OR7E24: variants seen among roughly 807,000 people sequenced by gnomAD.
OR7E24 encodes olfactory receptor family 7 subfamily E member 24, also known as olfactory receptor 7E24.
For missense variants in OR7E24, 385 were observed against 410.3 expected (o/e 0.94, Z 0.53); for synonymous variants, 130 against 157.5 (o/e 0.83, Z 1.31).
At chr19:9,235,086 T>C in the OR7E24 span, 1 of 641,476 alleles carries the variant, frequency 1.6e-6, no homozygotes, top group Non-Finnish European at 2.7e-6. Context: ...CCAAGGGTGA[T>C]ATTGAAGAGT....
the OR7E24 span, among the ~76,000 whole-genome samples, chr19:9,236,694 T>G: frequency 6.6e-6 from 1 of 152,046 alleles, no homozygotes; most frequent in Non-Finnish European, 1.5e-5. Context: ...AGTTCCATCT[T>G]TGATCCATTT....
the OR7E24 span, among the ~76,000 whole-genome samples, chr19:9,221,201 G>T: frequency 6.6e-6 from 1 of 151,078 alleles, no homozygotes; most frequent in African/African-American, 2.4e-5. Flanking sequence ...CAACCCGGGA[G>T]GGGGAGCTTG....
In OR7E24 at chr19:9,251,782, C is replaced by A; in HGVS notation, c.739C>A (p.Pro247Thr). 6.2e-7 allele frequency: 1 copy of A among 1,612,316 alleles called. No individual in the cohort carries two copies. The highest frequency in any genetic ancestry group is 8.5e-7 in the Non-Finnish European group (1 of 1,179,086). Residue 247 changes from proline to threonine, a missense_variant, in exon 1 of 1, where the codon CCA becomes ACA. Coordinates refer to ENST00000456448, the MANE Select transcript of OR7E24 (RefSeq NM_001079935.2). The part of the protein sequence containing the change: ...YKIVSPILRV[P>T]TSDGKYKAFS... ...AATTGTTTCCCCCATTCTGAGAGTT[C>A]CAACATCAGATGGGAAGTATAAAGC... is the stretch of plus-strand genomic sequence containing the variant.
chr19:9,251,765 C>A lies in OR7E24; in HGVS notation c.722C>A (p.Ser241Tyr), dbSNP rs2066149496. The change falls in exon 1 of 1, where the codon TCC (serine) becomes TAC (tyrosine). Residue 241 changes from serine to tyrosine, a missense_variant. Ser to Tyr is a moderately radical substitution (Grantham distance 144, BLOSUM62 -2). Transcript: ENST00000456448. Reference protein sequence around the residue: ...GILFSYYKIVSPILRVPTSDG... With the variant: ...GILFSYYKIVYPILRVPTSDG... ...CTTTTCTCTTACTATAAAATTGTTT[C>A]CCCCATTCTGAGAGTTCCAACATCA... 6.2e-7 allele frequency: 1 copy of A among 1,611,024 alleles called. No individual in the cohort carries two copies. The highest frequency in any genetic ancestry group is 8.5e-7 in the Non-Finnish European group (1 of 1,178,368).
chr19:9,231,354 G>T, the OR7E24 span, among the ~76,000 whole-genome samples: 1 of 152,152 alleles, frequency 6.6e-6, no homozygotes, highest in Admixed American at 6.5e-5. Flanking sequence ...GGCCAAGGCG[G>T]GTGGATCATG....
the OR7E24 span, chr19:9,213,828 G>C: frequency 9.3e-7 from 1 of 1,079,484 alleles, no homozygotes; most frequent in Non-Finnish European, 1.4e-6. Context: ...AAAAAGAGCC[G>C]GATATTTAAA....
At chr19:9,224,149 C>T in the OR7E24 span, among the ~76,000 whole-genome samples, 1 of 152,100 alleles carries the variant, frequency 6.6e-6, no homozygotes, top group South Asian at 2.1e-4. Flanking sequence ...TGCACCCAGC[C>T]GGGGTCTCGG....
chr19:9,229,016 G>A, the OR7E24 span, among the ~76,000 whole-genome samples: 1 of 152,112 alleles, frequency 6.6e-6, no homozygotes, highest in Non-Finnish European at 1.5e-5. Context: ...ATGTATGCCT[G>A]TTTCAAAACT....
At chr19:9,247,310 A>G, upstream of OR7E24, 1 of 394,418 alleles carries the variant, frequency 2.5e-6, no homozygotes, top group Non-Finnish European at 4.5e-6. Context: ...CTAGAATAGT[A>G]AATACTCAGC....
chr19:9,226,656 T>G, the OR7E24 span, among the ~76,000 whole-genome samples: 1 of 152,238 alleles, frequency 6.6e-6, no homozygotes, highest in African/African-American at 2.4e-5. Flanking sequence ...TAGCAGATAT[T>G]TAAGAATGTT....
chr19:9,235,461 G>T, the OR7E24 span: 1 of 1,606,052 alleles, frequency 6.2e-7, no homozygotes, highest in African/African-American at 1.3e-5. Flanking sequence ...TTTAAATGAT[G>T]TTTGCTGGAA....
chr19:9,210,083 G>C, the OR7E24 span: 1 of 152,154 alleles, frequency 6.6e-6, no homozygotes. Context: ...CATTTTAAAA[G>C]CTCCCAACTC....
At chr19:9,206,596 G>A in the OR7E24 span, 10 of 152,218 alleles carry the variant, frequency 6.6e-5, no homozygotes, top group African/African-American at 2.2e-4. Flanking sequence ...TTAAGGAAAT[G>A]ATATACAGCA....
chr19:9,245,503 A>C (rs937419259), upstream of OR7E24, among the ~76,000 whole-genome samples: 1 of 152,224 alleles, frequency 6.6e-6, no homozygotes, highest in Non-Finnish European at 1.5e-5. Context: ...GGTTCCTCAT[A>C]AAATGAAAAA....
chr19:9,250,896 C>T (rs184305106), upstream of OR7E24: 3 of 628,258 alleles, frequency 4.8e-6, no homozygotes, highest in Admixed American at 6.1e-5. Context: ...AGGTGAATAA[C>T]ACAAAATCAA....
At chr19:9,247,048 T>G (rs368261061), upstream of OR7E24, among the ~76,000 whole-genome samples, 3 of 152,120 alleles carry the variant, frequency 2.0e-5, no homozygotes, top group Admixed American at 6.5e-5. Flanking sequence ...ATGTATAATT[T>G]TAACATTTAT....
At chr19:9,214,016 G>C in the OR7E24 span, 1 of 1,613,994 alleles carries the variant, frequency 6.2e-7, no homozygotes, top group Admixed American at 1.7e-5. Flanking sequence ...ACATCACTGA[G>C]GCGGTGGAGC....
the OR7E24 span, chr19:9,213,785 A>ACAACCCAATAACAACAACC: frequency 4.0e-6 from 3 of 747,482 alleles, no homozygotes; most frequent in African/African-American, 5.3e-5. Context: ...ACAACAACCA[A>ACAACCCAATAACAACAACC]AAATCCCACA....
At chr19:9,215,578 T>C in the OR7E24 span, among the ~76,000 whole-genome samples, 1 of 152,132 alleles carries the variant, frequency 6.6e-6, no homozygotes, top group Non-Finnish European at 1.5e-5. Flanking sequence ...TGTGACCCAG[T>C]GCTTGGAAGT....
Sources: allele counts gnomAD v4.1 joint callset (sites outside exome capture counted in the v4.1 genomes callset), GRCh38; gene constraint gnomAD v4.1.1; transcripts MANE v1.5; gene names NCBI Gene and HGNC (gene_info 2026-07-23, HGNC 2026-07-21).